The following VPS33B variants were observed in gnomAD, a reference collection of about 807,000 sequenced individuals.
VPS33B encodes the protein VPS33B late endosome and lysosome associated.
A neutral mutation model predicts 95.3 loss-of-function variants in VPS33B; 80 were observed. The ratio of observed to expected loss-of-function variants is 0.84; its 90% confidence interval spans 0.70 to 1.01. The LOEUF (loss-of-function observed/expected upper bound fraction) is 1.01, where lower values mean the gene tolerates loss of function less well. Ranked by LOEUF, VPS33B falls within the 50% of genes least tolerant of loss-of-function variation. The probability of loss-of-function intolerance (pLI) is 0.00; values close to 1 mark genes in which losing one functional copy is unlikely to be tolerated. For synonymous variants in VPS33B, 280 were observed against 280.4 expected (o/e 1.00, Z 0.01); for missense variants, 715 against 773.4 (o/e 0.92, Z 0.90).
At position 91,003,070 on chromosome 15, in the gene VPS33B, T is replaced by C. The variant is rs373785543; in HGVS notation, c.1272+15A>G. ...TCCATCAAGTTCCCTCAAGAATACA[T>C]TCTCCAGGCCTTACCTGCAGATACT... On this transcript the variant is annotated intron_variant, in intron 17 of 22. Coordinates refer to ENST00000333371, the MANE Select transcript of VPS33B (RefSeq NM_018668.5). 6.2e-7 allele frequency: 1 copy of C among 1,613,968 alleles called. No individual in the cohort carries two copies. The highest frequency in any genetic ancestry group is 1.3e-5 in the African/African-American group (1 of 75,014).
In VPS33B at chr15:91,009,292, T is replaced by TTC. The variant is rs35501255; in HGVS notation, c.403+507_403+508dup. Among the ~76,000 whole-genome samples the TTC allele has an allele frequency of 1.5e-4, 16 of 109,570 alleles. No homozygotes were observed. Among genetic ancestry groups the TTC allele is most frequent in the South Asian group, 5.8e-4 (2 of 3,444 alleles). 71.9% of individuals were successfully genotyped at this position (109,570 alleles called of 152,430 possible). A position where few individuals can be genotyped will look rare whatever the true frequency, so the allele number is the denominator to read the frequency against. ...CTTTCTCTCTTTTCTTTTATTTTCT[T>TTC]TCTCTCTCTCTTTCTTTCTTCCTTC... On this transcript the variant is annotated intron_variant, in intron 6 of 22. Transcript: ENST00000333371. The surrounding 1 kb of genome is among the most constrained non-coding windows in gnomAD (Gnocchi z 4.1).
chr15:91,000,398 A>C lies in VPS33B; in HGVS notation c.1581+92T>G, dbSNP rs2040402369. The C allele has an allele frequency of 8.0e-7, 1 of 1,251,922 alleles. No individual in the cohort carries two copies. Among genetic ancestry groups the C allele is most frequent in the African/African-American group, 1.5e-5 (1 of 66,120 alleles). 77.6% of individuals were successfully genotyped at this position (1,251,922 alleles called of 1,614,324 possible). On this transcript the variant is annotated intron_variant, in intron 20 of 22. Transcript: ENST00000333371. The surrounding 1 kb of genome is among the most constrained non-coding windows in gnomAD (Gnocchi z 4.9). Reference sequence around the variant, plus strand: ...GGTGACAGAGCAAGACTCCATCTCAAATAAAAAAAAAAAAACATTGAGACA... The same window carrying C: ...GGTGACAGAGCAAGACTCCATCTCACATAAAAAAAAAAAAACATTGAGACA...
intron 16 of VPS33B, among the ~76,000 whole-genome samples, chr15:91,004,137 C>T (rs1176339586): frequency 6.6e-6 from 1 of 151,530 alleles, no homozygotes; most frequent in Non-Finnish European, 1.5e-5. Context: ...GGTGAGAAAT[C>T]GCTTCAACCT....
chr15:90,999,912 A>G lies in VPS33B; in HGVS notation c.1645T>C (p.Phe549Leu). ...TAATGCCACATACCTGTGAATGCAAAGTCACTGCAGTTGAGCAGCCGTACC... is the reference window on the plus strand; with the variant it reads ...TAATGCCACATACCTGTGAATGCAAGGTCACTGCAGTTGAGCAGCCGTACC... ...EVVRLLNCSD[F>L]AFTDMTKEDK... is the part of the protein sequence containing the mutation. The change falls in exon 21 of 23, where the codon TTT (phenylalanine) becomes CTT (leucine). Residue 549 changes from phenylalanine (F) to leucine (L), a missense_variant. Physicochemically the swap from Phe to Leu is conservative, Grantham distance 22 (BLOSUM62 0). Transcript: ENST00000333371. The surrounding 1 kb of genome is among the most constrained non-coding windows in gnomAD (Gnocchi z 5.1). The G allele has an allele frequency of 6.2e-7, 1 of 1,614,206 alleles. No individual in the cohort carries two copies. The highest frequency in any genetic ancestry group is 8.5e-7 in the Non-Finnish European group (1 of 1,180,028).
Position 91,016,375 on chromosome 15 carries a change from C to CTTTTTTT in VPS33B, c.239+581_239+587dup, listed in dbSNP as rs796637381. Among the ~76,000 whole-genome samples, 58 of 96,010 alleles carry CTTTTTTT rather than the reference C, an allele frequency of 6.0e-4. 2 individuals carry two copies. Among genetic ancestry groups the CTTTTTTT allele is most frequent in the African/African-American group, 1.9e-3 (45 of 23,660 alleles). 63.0% of individuals were successfully genotyped at this position (96,010 alleles called of 152,430 possible). A position where few individuals can be genotyped will look rare whatever the true frequency, so the allele number is the denominator to read the frequency against. ...GTAATAAGAGGCCTTGCAGATTCTTCTTTTTTTTTTTTTTTTTTTTTTTTT... is the reference window on the plus strand; with the variant it reads ...GTAATAAGAGGCCTTGCAGATTCTTCTTTTTTTTTTTTTTTTTTTTTTTTTTTTTTTT... On this transcript the variant is annotated intron_variant, in intron 3 of 22. Transcript: ENST00000333371.
rs113958417 is a variant in VPS33B at position 91,018,867 on chromosome 15, G to A, written c.97-982C>T. ...GTCTCCCTCTGACACCCAGGCTGGAGTGCAGTGGCGTGATCTCGGCTCACT... is the reference window on the plus strand; with the variant it reads ...GTCTCCCTCTGACACCCAGGCTGGAATGCAGTGGCGTGATCTCGGCTCACT... On this transcript the variant is annotated intron_variant, in intron 1 of 22. Transcript: ENST00000333371. This position sits in a 1 kb window ranked among gnomAD's most constrained non-coding sequence, Gnocchi z 4.7. Among the ~76,000 whole-genome samples, 678 of 152,276 alleles carry A rather than the reference G, an allele frequency of 4.5e-3. 4 individuals carry two copies. Among genetic ancestry groups the A allele is most frequent in the African/African-American group, 0.016 (652 of 41,546 alleles).
Position 91,019,763 on chromosome 15 carries a change from G to A in VPS33B, c.97-1878C>T, listed in dbSNP as rs540846323. On this transcript the variant is annotated intron_variant, in intron 1 of 22. Transcript: ENST00000333371. ...AAGAGGCCTGATTTAGGCTGGTGGT[G>A]GTGTGAGCAAACATAGATTAAGAGA... is the stretch of plus-strand genomic sequence containing the variant. Among the ~76,000 whole-genome samples, 8 of 152,142 alleles carry A rather than the reference G, an allele frequency of 5.3e-5. No homozygotes were observed. In the South Asian group the frequency reaches 1.2e-3, roughly 24 times the overall value.
At chr15:91,014,332 AG>A in intron 4 of VPS33B, 51 bp downstream of exon 4, 2 of 1,597,984 alleles carry the variant, frequency 1.3e-6, no homozygotes, top group Non-Finnish European at 1.7e-6. Flanking sequence ...CAAGGCCCTT[AG>A]ATTTTGCCCG....
chr15:91,018,197 C>A lies in VPS33B; in HGVS notation c.97-312G>T, dbSNP rs1236683059. 6.6e-6 allele frequency among the ~76,000 whole-genome samples: 1 copy of A among 152,178 alleles called. No homozygotes were observed. Among genetic ancestry groups the A allele is most frequent in the Admixed American group, 6.6e-5 (1 of 15,264 alleles). On this transcript the variant is annotated intron_variant, in intron 1 of 22. Coordinates refer to ENST00000333371, the MANE Select transcript of VPS33B (RefSeq NM_018668.5). This position sits in a 1 kb window ranked among gnomAD's most constrained non-coding sequence, Gnocchi z 4.7. ...TGCACCTCACTCCCCTTCTCTGCTG[C>A]CTCCTCCACTCTGGCTCCTAACCAC...
chr15:90,999,702 G>A lies in VPS33B; in HGVS notation c.1749C>T (p.Ala583=), dbSNP rs201436915. 4.3e-5 allele frequency: 70 copies of A among 1,614,086 alleles called. No individual in the cohort carries two copies. The Admixed American group carries it at 1.0e-3, about 24-fold the overall frequency. Residue 583 remains alanine, a synonymous_variant, in exon 22 of 23, where the codon GCC becomes GCT. Coordinates refer to ENST00000333371, the MANE Select transcript of VPS33B (RefSeq NM_018668.5). The surrounding 1 kb of genome is among the most constrained non-coding windows in gnomAD (Gnocchi z 5.1). Reference sequence around the variant, plus strand: ...CTTTCTCTCTGCCCAGGAACCGGAGGGCTGAGATCTCAGAGAATGTACAAC... The same window carrying A: ...CTTTCTCTCTGCCCAGGAACCGGAGAGCTGAGATCTCAGAGAATGTACAAC... The part of the protein sequence containing the change: ...LGGCTFSEIS[A]LRFLGREKGY...
At position 91,005,673 on chromosome 15, in the gene VPS33B, G is replaced by A. The variant is rs766957219; in HGVS notation, c.1030+21C>T. 66 of 1,613,500 alleles carry A rather than the reference G, an allele frequency of 4.1e-5. No individual in the cohort carries two copies. The highest frequency in any genetic ancestry group is 1.6e-4 in the Middle Eastern group (1 of 6,082). The stretch of plus-strand genomic sequence containing the variant: ...GAGGGACACAGTCACTTCCCCTCAC[G>A]CCCCTCAAGCTGAAACCTACGGAGA... On this transcript the variant is annotated intron_variant, in intron 13 of 22. Coordinates refer to ENST00000333371, the MANE Select transcript of VPS33B (RefSeq NM_018668.5). This position sits in a 1 kb window ranked among gnomAD's most constrained non-coding sequence, Gnocchi z 6.4.
chr15:91,009,376 G>A lies in VPS33B; in HGVS notation c.403+425C>T, dbSNP rs747546488. Among the ~76,000 whole-genome samples, 7 of 151,118 alleles carry A rather than the reference G, an allele frequency of 4.6e-5. No individual in the cohort carries two copies. The highest frequency in any genetic ancestry group is 2.1e-4 in the South Asian group (1 of 4,802). On this transcript the variant is annotated intron_variant, in intron 6 of 22. Coordinates refer to ENST00000333371, the MANE Select transcript of VPS33B (RefSeq NM_018668.5). This position sits in a 1 kb window ranked among gnomAD's most constrained non-coding sequence, Gnocchi z 4.1. ...GGCTGGAGTGCAATGGCGTGATCTC[G>A]GCTCACTGCAACCTCTGCCTCCCGG...
chr15:91,022,170 A>G lies in VPS33B; in HGVS notation c.80T>C (p.Ile27Thr). The change falls in exon 1 of 23, where the codon ATC becomes ACC. Residue 27 changes from isoleucine (I) to threonine (T), a missense_variant. Coordinates refer to ENST00000333371, the MANE Select transcript of VPS33B (RefSeq NM_018668.5). ...AGCACTGACCTGCTCCAGCAGATAG[A>G]TGAGCTGGTCTCGAGCCAGCCTCTT... Reference protein sequence around the residue: ...MLKRLARDQLIYLLEQLPGKK... With the variant: ...MLKRLARDQLTYLLEQLPGKK... 1 of 1,566,612 alleles carries G rather than the reference A, an allele frequency of 6.4e-7. No homozygotes were observed.
Position 91,018,990 on chromosome 15 carries a change from T to C in VPS33B, c.97-1105A>G, listed in dbSNP as rs1403012181. On this transcript the variant is annotated intron_variant, in intron 1 of 22. Coordinates refer to ENST00000333371, the MANE Select transcript of VPS33B (RefSeq NM_018668.5). This position sits in a 1 kb window ranked among gnomAD's most constrained non-coding sequence, Gnocchi z 4.7. ...CCACCACACCTGGCTAATTTTTGTA[T>C]TTTTAGTAGAGACGGTGTTTCACCA... Among the ~76,000 whole-genome samples, 7 of 151,464 alleles carry C rather than the reference T, an allele frequency of 4.6e-5. No individual in the cohort carries two copies. The East Asian group carries it at 1.4e-3, about 29-fold the overall frequency.
intron 18 of VPS33B, 135 bp downstream of exon 18, chr15:91,001,915 G>T: frequency 7.1e-7 from 1 of 1,403,500 alleles, no homozygotes; most frequent in Non-Finnish European, 9.9e-7. Context: ...AGAAGTAGTA[G>T]TAATAATAGT....
rs1443839226 is a variant in VPS33B at position 91,014,473 on chromosome 15, A to G, written c.240-40T>C. On this transcript the variant is annotated intron_variant, in intron 3 of 22. Coordinates refer to ENST00000333371, the MANE Select transcript of VPS33B (RefSeq NM_018668.5). ...GAAAAAAAAACAGTGAAGAAGAATT[A>G]TCAAGTTGGATAGCAACTTAGAAGA... is the stretch of plus-strand genomic sequence containing the variant. The G allele has an allele frequency of 4.4e-6, 7 of 1,606,868 alleles. No homozygotes were observed. In the African/African-American group the frequency reaches 5.3e-5, roughly 12 times the overall value.
At position 91,022,430 on chromosome 15, in the gene VPS33B, G is replaced by A; in HGVS notation, c.-181C>T. 1 of 580,480 alleles carries A rather than the reference G, an allele frequency of 1.7e-6. No homozygotes were observed. Among genetic ancestry groups the A allele is most frequent in the South Asian group, 2.2e-5 (1 of 45,150 alleles). The allele number at this position is 580,480 out of a possible 1,614,324, so 36.0% of individuals were successfully genotyped here. A position where few individuals can be genotyped will look rare whatever the true frequency, so the allele number is the denominator to read the frequency against. On this transcript the variant is annotated 5_prime_UTR_variant, in exon 1 of 23. Coordinates refer to ENST00000333371, the MANE Select transcript of VPS33B (RefSeq NM_018668.5). Reference sequence around the variant, plus strand: ...AATGAATGGCCACCTCCAGGCAAGAGAGCTACTACCTCGGAGCAGCCTTGT... The same window carrying A: ...AATGAATGGCCACCTCCAGGCAAGAAAGCTACTACCTCGGAGCAGCCTTGT...
At chr15:91,017,912 A>G in intron 1 of VPS33B, 27 bp from the exon 2 acceptor site, 1 of 1,611,678 alleles carries the variant, frequency 6.2e-7, no homozygotes, top group Non-Finnish European at 8.5e-7. Context: ...ATGTTGGGTC[A>G]CTCACAGGTC....
At position 90,998,845 on chromosome 15, in the gene VPS33B, A is replaced by G; in HGVS notation, c.*130T>C. ...TCTCAGATAATGTTCTCTAAATCCC[A>G]ACACGTTCCATGCTCCCGGCTCTTA... On this transcript the variant is annotated 3_prime_UTR_variant, in exon 23 of 23. Coordinates refer to ENST00000333371, the MANE Select transcript of VPS33B (RefSeq NM_018668.5). The surrounding 1 kb of genome is among the most constrained non-coding windows in gnomAD (Gnocchi z 4.8). 1.1e-6 allele frequency: 1 copy of G among 933,826 alleles called. No individual in the cohort carries two copies. 57.8% of individuals were successfully genotyped at this position (933,826 alleles called of 1,614,324 possible).
Sources: gnomAD v4.1 joint callset for allele counts (sites outside exome capture counted in the v4.1 genomes callset) on GRCh38, gnomAD v4.1.1 for gene constraint, Gnocchi (gnomAD v3.1) non-coding constraint, MANE v1.5 for transcripts, NCBI Gene and HGNC (gene_info 2026-07-23, HGNC 2026-07-21) for gene names.